Variants in LRBA observed in about 807,000 individuals in gnomAD.
LRBA encodes the protein LPS responsive beige-like anchor protein, also known as lipopolysaccharide-responsive and beige-like anchor protein.
Under a neutral mutation model 330.0 loss-of-function variants are expected in LRBA, and 176 were observed. The observed-to-expected ratio is 0.53, with a 90% CI of 0.47 to 0.60. The LOEUF (loss-of-function observed/expected upper bound fraction) is 0.60. Among genes scored for constraint, LRBA ranks in the 20% least tolerant of loss-of-function variants. The probability of loss-of-function intolerance (pLI) is 0.00; values close to 1 mark genes in which losing one functional copy is unlikely to be tolerated. For missense variants in LRBA, 3,259 were observed against 3,444.8 expected (o/e 0.95, Z 1.35); for synonymous variants, 1,230 against 1,193.0 (o/e 1.03, Z -0.64).
At chr4:150,989,163 G>A (rs979307151) in intron 2 of LRBA, among the ~76,000 whole-genome samples, 1 of 151,628 alleles carries the variant, frequency 6.6e-6, no homozygotes, top group Non-Finnish European at 1.5e-5. Flanking sequence ...CCACCACCCC[G>A]CCTCACTAAT....
chr4:150,307,465 T>C (rs2126868259), intron 52 of LRBA, among the ~76,000 whole-genome samples: 1 of 151,188 alleles, frequency 6.6e-6, no homozygotes. Flanking sequence ...AAAAAATATA[T>C]GGAAAAACAA....
chr4:150,837,326 C>T (rs984632919), intron 28 of LRBA, among the ~76,000 whole-genome samples: 8 of 152,136 alleles, frequency 5.3e-5, no homozygotes, highest in African/African-American at 1.2e-4. Context: ...TGGTGCAGAG[C>T]TGAGTTCAAT....
chr4:150,934,526 T>C (rs1038856781), intron 2 of LRBA, among the ~76,000 whole-genome samples: 1 of 152,202 alleles, frequency 6.6e-6, no homozygotes, highest in Non-Finnish European at 1.5e-5. Context: ...AGCCTACCCG[T>C]ATTTGCAGGA....
intron 34 of LRBA, among the ~76,000 whole-genome samples, chr4:150,764,260 G>T (rs533208859): frequency 2.0e-5 from 3 of 152,056 alleles, no homozygotes; most frequent in Admixed American, 6.5e-5. Context: ...AAAACGTCAA[G>T]AATGTCCCCT....
chr4:150,315,296 G>A (rs554917910), intron 51 of LRBA: 8 of 521,486 alleles, frequency 1.5e-5, no homozygotes, highest in East Asian at 7.0e-5. Context: ...TACTTCATGC[G>A]CATTCTCAAT....
Position 150,569,185 on chromosome 4 carries a change from CG to C in LRBA, c.6330+18862del, listed in dbSNP as rs1769529374. Among the ~76,000 whole-genome samples the C allele has an allele frequency of 3.3e-5, 5 of 151,926 alleles. No individual in the cohort carries two copies. In the South Asian group the frequency reaches 1.0e-3, roughly 32 times the overall value. On this transcript the variant is annotated intron_variant, in intron 40 of 56. Coordinates refer to ENST00000651943, the MANE Select transcript of LRBA (RefSeq NM_001364905.1). ...AACATCTGCTTGGAGAAAAAAATAC[CG>C]TGACAAAAGAAAATGGCTCTAAAGA... is the stretch of plus-strand genomic sequence containing the variant.
rs145288787 is a variant in LRBA at position 150,368,751 on chromosome 4, G to C, written c.7195-18592C>G. 9.9e-4 allele frequency among the ~76,000 whole-genome samples: 150 copies of C among 152,234 alleles called. 4 individuals are homozygous for C. Among genetic ancestry groups the C allele is most frequent in the African/African-American group, 3.6e-3 (148 of 41,554 alleles). ...CCAAATCCTGTTTAACTTACACAAG[G>C]TGATGTCAAGTAATTTAAAAAACAT... is the stretch of plus-strand genomic sequence containing the variant. On this transcript the variant is annotated intron_variant, in intron 47 of 56. Coordinates refer to ENST00000651943, the MANE Select transcript of LRBA (RefSeq NM_001364905.1).
At chr4:150,494,288 T>A (rs1759305121) in intron 40 of LRBA, among the ~76,000 whole-genome samples, 1 of 152,026 alleles carries the variant, frequency 6.6e-6, no homozygotes, top group Non-Finnish European at 1.5e-5. Flanking sequence ...CTGCTTAAAA[T>A]TTTCCTGCAC....
chr4:150,434,322 A>C (rs1750811271), intron 46 of LRBA, among the ~76,000 whole-genome samples: 1 of 152,214 alleles, frequency 6.6e-6, no homozygotes, highest in Non-Finnish European at 1.5e-5. Context: ...TCTAGTAAGG[A>C]CTATTACTAG....
At chr4:150,702,286 TTAAC>T (rs1260567580) in intron 36 of LRBA, among the ~76,000 whole-genome samples, 2 of 152,126 alleles carry the variant, frequency 1.3e-5, no homozygotes, top group African/African-American at 4.8e-5. Flanking sequence ...AGTTTGTCAT[TTAAC>T]TAATCTTTAC....
intron 47 of LRBA, among the ~76,000 whole-genome samples, chr4:150,407,984 T>C (rs1746437874): frequency 6.6e-6 from 1 of 151,992 alleles, no homozygotes; most frequent in African/African-American, 2.4e-5. Context: ...AGGTTTCCAA[T>C]TTAATAATCT....
In LRBA at chr4:151,014,664, A is replaced by G; in HGVS notation, c.-22T>C. ...CCATTGCTAGCTCACGATAAAGGACAACTCAGAGTCACCCTGGGACGGCAG... is the reference window on the plus strand; with the variant it reads ...CCATTGCTAGCTCACGATAAAGGACGACTCAGAGTCACCCTGGGACGGCAG... On this transcript the variant is annotated 5_prime_UTR_variant, in exon 2 of 57. Transcript: ENST00000651943. The G allele has an allele frequency of 6.5e-7, 1 of 1,547,444 alleles. No homozygotes were observed. Among genetic ancestry groups the G allele is most frequent in the Non-Finnish European group, 8.8e-7 (1 of 1,134,400 alleles).
intron 2 of LRBA, among the ~76,000 whole-genome samples, chr4:150,990,920 G>A (rs1741997903): frequency 6.6e-5 from 10 of 152,086 alleles, no homozygotes; most frequent in Admixed American, 6.5e-4. Flanking sequence ...TCAGGAGGCT[G>A]AGAGGCACAA....
intron 47 of LRBA, among the ~76,000 whole-genome samples, chr4:150,393,367 G>C: frequency 6.6e-6 from 1 of 151,356 alleles, no homozygotes; most frequent in Admixed American, 6.6e-5. Context: ...TCTACTTGCA[G>C]GTCAGGCATT....
At chr4:150,639,861 ATATATATATATT>A (rs1778491630) in intron 37 of LRBA, among the ~76,000 whole-genome samples, 1 of 80,930 alleles carries the variant, frequency 1.2e-5, no homozygotes, top group African/African-American at 4.6e-5. Flanking sequence ...ATATATATAT[ATATATATATATT>A]TAGATGGAGT....
intron 44 of LRBA, among the ~76,000 whole-genome samples, chr4:150,445,993 G>C (rs1752573391): frequency 6.6e-6 from 1 of 152,048 alleles, no homozygotes. Context: ...AGTAGCATAA[G>C]TTAAAGATAT....
In LRBA at chr4:150,420,450, A is replaced by G. The variant is rs1426587336; in HGVS notation, c.7042-4860T>C. ...ATAAAGTATATATAATACATATATA[A>G]TATATAAAGTATATATAATACACAT... On this transcript the variant is annotated intron_variant, in intron 46 of 56. Coordinates refer to ENST00000651943, the MANE Select transcript of LRBA (RefSeq NM_001364905.1). Among the ~76,000 whole-genome samples, 24 of 109,900 alleles carry G rather than the reference A, an allele frequency of 2.2e-4. 2 individuals carry two copies. The highest frequency in any genetic ancestry group is 4.3e-4 in the Admixed American group (4 of 9,350). 72.1% of individuals were successfully genotyped at this position (109,900 alleles called of 152,430 possible).
At chr4:150,737,275 CAT>C (rs1223767318) in intron 35 of LRBA, among the ~76,000 whole-genome samples, 2 of 152,120 alleles carry the variant, frequency 1.3e-5, no homozygotes, top group Non-Finnish European at 2.9e-5. Context: ...GCCTGGGTAA[CAT>C]AGTGAAACCC....
chr4:150,327,594 C>T (rs1370950802), intron 48 of LRBA, among the ~76,000 whole-genome samples: 2 of 152,204 alleles, frequency 1.3e-5, no homozygotes, highest in African/African-American at 4.8e-5. Context: ...GAGTGCTAAT[C>T]CTGACTGTGA....
Sources: allele counts gnomAD v4.1 joint callset (sites outside exome capture counted in the v4.1 genomes callset), GRCh38; gene constraint gnomAD v4.1.1; transcripts MANE v1.5; gene names NCBI Gene and HGNC (gene_info 2026-07-23, HGNC 2026-07-21).